TBC1D1: variants seen among roughly 807,000 people sequenced by gnomAD.
TBC1D1 encodes TBC1 (tre-2/USP6, BUB2, cdc16) domain family, member 1.
Under a neutral mutation model 125.6 loss-of-function variants are expected in TBC1D1, and 89 were observed. The ratio of observed to expected loss-of-function variants is 0.71; its 90% confidence interval spans 0.60 to 0.85. The LOEUF is 0.85. TBC1D1 is among the 40% of genes least tolerant of loss of function. The pLI is 0.00. For missense variants in TBC1D1, 1,377 were observed against 1,469.2 expected (o/e 0.94, Z 1.03); for synonymous variants, 565 against 564.1 (o/e 1.00, Z -0.02).
rs13130654 is a variant in TBC1D1, at chr4:38,135,924, A to G, written c.3307-1211A>G. Among the ~76,000 whole-genome samples the G allele has an allele frequency of 7.4e-3, 1,079 of 145,040 alleles. 11 individuals carry two copies. Among genetic ancestry groups the G allele is most frequent in the East Asian group, 0.049 (245 of 4,990 alleles). The stretch of plus-strand genomic sequence containing the variant: ...TGTGTATATATACGTGTGTGTGTAT[A>G]TGTGTGTGTGTGTGTGTGTGTGTGT... On this transcript the variant is annotated intron_variant, in intron 19 of 19. Transcript: ENST00000261439.
At chr4:38,045,772 C>T (rs1373717703) in intron 9 of TBC1D1, 45 bp from the exon 10 acceptor site, 2 of 1,529,722 alleles carry the variant, frequency 1.3e-6, no homozygotes, top group East Asian at 2.2e-5. Flanking sequence ...GATGCCTTTG[C>T]AAAAGCCTCC....
intron 14 of TBC1D1, among the ~76,000 whole-genome samples, chr4:38,098,147 TAGA>T: frequency 6.6e-6 from 1 of 152,378 alleles, no homozygotes; most frequent in East Asian, 1.9e-4. Flanking sequence ...CCCTTACTGA[TAGA>T]AGGAGAGACT....
At chr4:38,039,950 G>T (rs1343840947) in intron 8 of TBC1D1, among the ~76,000 whole-genome samples, 2 of 145,164 alleles carry the variant, frequency 1.4e-5, no homozygotes, top group African/African-American at 5.0e-5. Flanking sequence ...CCCCATCTCT[G>T]TTTTTTTTTT....
chr4:38,020,636 TC>T lies in TBC1D1; in HGVS notation c.1020del (p.Gly341GlufsTer24). ...CTTTGGGTTTATCTGTCGGGAGTCTTCCGGAGGTGGCGGCTTTCATTTTGTC... is the reference window on the plus strand; with the variant it reads ...CTTTGGGTTTATCTGTCGGGAGTCTTCGGAGGTGGCGGCTTTCATTTTGTC... On this transcript the variant is annotated frameshift_variant, in exon 5 of 20. Coordinates refer to ENST00000261439, the MANE Select transcript of TBC1D1 (RefSeq NM_015173.4). LOFTEE classifies it high-confidence loss of function. The T allele has an allele frequency of 6.2e-7, 1 of 1,613,356 alleles. No individual in the cohort carries two copies. Among genetic ancestry groups the T allele is most frequent in the Admixed American group, 1.7e-5 (1 of 59,998 alleles).
At position 38,049,909 on chromosome 4, in the gene TBC1D1, T is replaced by C; in HGVS notation, c.1910+11T>C. Reference sequence around the variant, plus strand: ...GCCTCATGAACGAAAGTAAGATTTGTTTAAATTTGTTGCATAAATAGCTGG... The same window carrying C: ...GCCTCATGAACGAAAGTAAGATTTGCTTAAATTTGTTGCATAAATAGCTGG... On this transcript the variant is annotated intron_variant, in intron 11 of 19. Coordinates refer to ENST00000261439, the MANE Select transcript of TBC1D1 (RefSeq NM_015173.4). 1 of 1,602,564 alleles carries C rather than the reference T, an allele frequency of 6.2e-7. No individual in the cohort carries two copies. Among genetic ancestry groups the C allele is most frequent in the South Asian group, 1.1e-5 (1 of 90,192 alleles).
At chr4:38,078,534 G>A (rs1241585029) in intron 12 of TBC1D1, among the ~76,000 whole-genome samples, 1 of 152,184 alleles carries the variant, frequency 6.6e-6, no homozygotes, top group Admixed American at 6.5e-5. Context: ...AGGTGATTAA[G>A]TTTAGATGAG....
chr4:38,037,221 G>A (rs1747383523), intron 8 of TBC1D1, among the ~76,000 whole-genome samples: 1 of 151,794 alleles, frequency 6.6e-6, no homozygotes, highest in South Asian at 2.1e-4. Context: ...TTATGGACCA[G>A]CATAATATTT....
At chr4:37,913,736 AT>A (rs34409078) in intron 2 of TBC1D1, among the ~76,000 whole-genome samples, 32,010 of 138,486 alleles carry the variant, frequency 0.23, 4,095 homozygotes, top group East Asian at 0.47. Flanking sequence ...TACTGGCCCA[AT>A]TTTTTTTTTT....
chr4:37,904,163 G>T (rs1208736177), intron 2 of TBC1D1, among the ~76,000 whole-genome samples: 1 of 152,140 alleles, frequency 6.6e-6, no homozygotes, highest in Admixed American at 6.5e-5. Context: ...GGTAGCACTC[G>T]ACCTGAAACT....
intron 7 of TBC1D1, among the ~76,000 whole-genome samples, chr4:38,028,867 C>T (rs1273732109): frequency 1.3e-5 from 2 of 152,046 alleles, no homozygotes; most frequent in Non-Finnish European, 2.9e-5. Context: ...CTTCTTTCCC[C>T]CAACACCTTT....
chr4:37,977,550 G>T lies in TBC1D1; in HGVS notation c.418-36959G>T. ...CCAAGGTAGGCGGCGTCGGGCGGGCGCCCGTTACCGGAGCGGAGCGGCAGG... is the reference window on the plus strand; with the variant it reads ...CCAAGGTAGGCGGCGTCGGGCGGGCTCCCGTTACCGGAGCGGAGCGGCAGG... On this transcript the variant is annotated intron_variant, in intron 2 of 19. Transcript: ENST00000261439. This position sits in a 1 kb window ranked among gnomAD's most constrained non-coding sequence, Gnocchi z 4.3. The T allele has an allele frequency of 1.7e-5, 14 of 824,878 alleles. No homozygotes were observed. In the South Asian group the frequency reaches 4.3e-4, roughly 26 times the overall value. 51.1% of individuals were successfully genotyped at this position (824,878 alleles called of 1,614,324 possible). A position where few individuals can be genotyped will look rare whatever the true frequency, so the allele number is the denominator to read the frequency against.
chr4:37,949,299 T>G (rs1228677729), intron 2 of TBC1D1, among the ~76,000 whole-genome samples: 1 of 152,238 alleles, frequency 6.6e-6, no homozygotes, highest in Non-Finnish European at 1.5e-5. Context: ...TGCTGCCTAA[T>G]TACTTGTGTT....
At chr4:38,042,365 C>T (rs1242707525) in intron 8 of TBC1D1, among the ~76,000 whole-genome samples, 3 of 152,010 alleles carry the variant, frequency 2.0e-5, no homozygotes, top group African/African-American at 4.8e-5. Context: ...AGCGATTCTC[C>T]TGCCTCAGCC....
At chr4:38,135,936 G>A (rs568141666) in intron 19 of TBC1D1, among the ~76,000 whole-genome samples, 2 of 150,588 alleles carry the variant, frequency 1.3e-5, no homozygotes, top group African/African-American at 4.9e-5. Flanking sequence ...GTGTGTGTGT[G>A]TGTGTGTGTG....
At chr4:37,907,283 A>G (rs1285503761) in intron 2 of TBC1D1, among the ~76,000 whole-genome samples, 5 of 152,240 alleles carry the variant, frequency 3.3e-5, no homozygotes, top group Non-Finnish European at 7.3e-5. Context: ...CTACAACTCG[A>G]CAAGTGGTAG....
Position 38,018,542 on chromosome 4 carries a change from A to C in TBC1D1, c.972+99A>C, listed in dbSNP as rs570107818. On this transcript the variant is annotated intron_variant, in intron 4 of 19. Transcript: ENST00000261439. ...ACAAATGCTAAAGGTTACAAGGTGT[A>C]TGTTTTCTAAGTACTGTACTTGATT... 28 of 771,844 alleles carry C rather than the reference A, an allele frequency of 3.6e-5. 2 individuals carry two copies. In the South Asian group the frequency reaches 5.0e-4, roughly 14 times the overall value. The allele number at this position is 771,844 out of a possible 1,614,324, so 47.8% of individuals were successfully genotyped here.
chr4:38,002,950 A>G (rs961468727), intron 2 of TBC1D1, among the ~76,000 whole-genome samples: 1 of 152,260 alleles, frequency 6.6e-6, no homozygotes, highest in Non-Finnish European at 1.5e-5. Flanking sequence ...ACCTGAAAAC[A>G]GGAGATTCCA....
intron 1 of TBC1D1, among the ~76,000 whole-genome samples, chr4:37,894,906 A>C (rs1468452716): frequency 6.6e-6 from 1 of 152,202 alleles, no homozygotes; most frequent in Non-Finnish European, 1.5e-5. Context: ...ACAGATATAG[A>C]TTCAAATGCC....
intron 12 of TBC1D1, among the ~76,000 whole-genome samples, chr4:38,080,856 G>T (rs927266220): frequency 5.3e-5 from 8 of 152,174 alleles, no homozygotes; most frequent in African/African-American, 1.7e-4. Flanking sequence ...GTTCTGCGAT[G>T]AATTGAATGC....
Sources: allele counts gnomAD v4.1 joint callset (sites outside exome capture counted in the v4.1 genomes callset), GRCh38; gene constraint gnomAD v4.1.1; non-coding constraint Gnocchi (gnomAD v3.1); transcripts MANE v1.5; gene names NCBI Gene and HGNC (gene_info 2026-07-23, HGNC 2026-07-21).